The following AVEN variants were observed in gnomAD, a reference collection of about 807,000 sequenced individuals.
AVEN encodes the protein apoptosis and caspase activation inhibitor, also known as cell death regulator Aven.
In AVEN, 41 loss-of-function variants were observed where a neutral mutation model predicts 38.1. The ratio of observed to expected loss-of-function variants is 1.08; its 90% CI spans 0.84 to 1.40. AVEN has a LOEUF of 1.40. Among genes scored for constraint, AVEN ranks in the 40% most tolerant of loss-of-function variants. The pLI, the probability that AVEN is intolerant of heterozygous loss-of-function variation, is 0.00. For synonymous variants in AVEN, 206 were observed against 171.8 expected, an observed-to-expected ratio of 1.20 and a Z score of -1.56; for missense variants, 605 against 438.8, an observed-to-expected ratio of 1.38 and a Z score of -3.38.
At chr15:33,980,913 A>G (rs683470) in intron 2 of AVEN, among the ~76,000 whole-genome samples, 123,224 of 152,128 alleles carry the variant, frequency 0.81, 54,657 homozygotes, top group Non-Finnish European at 0.98. Flanking sequence ...AAATCGTATC[A>G]CTAGAGCCTC....
chr15:33,856,326 T>C (rs142975784), downstream of AVEN: 1 of 152,444 alleles, frequency 6.6e-6, no homozygotes, highest in East Asian at 1.9e-4. Flanking sequence ...CTCCCTTTTG[T>C]GTGGCTCCTT....
intron 2 of AVEN, among the ~76,000 whole-genome samples, chr15:33,878,043 GAATA>G (rs1331072728): frequency 6.6e-6 from 1 of 151,848 alleles, no homozygotes; most frequent in African/African-American, 2.4e-5. Context: ...AATGAATCAG[GAATA>G]AACATTTATT....
intron 5 of AVEN, among the ~76,000 whole-genome samples, chr15:34,047,097 A>T (rs1339843506): frequency 7.1e-6 from 1 of 141,054 alleles, no homozygotes; most frequent in Non-Finnish European, 1.5e-5. Context: ...CTTTTTTTGG[A>T]GACGGAGTCT....
Position 33,931,574 on chromosome 15 carries a change from G to A in AVEN, c.446-55579C>T, listed in dbSNP as rs1478920461. Among the ~76,000 whole-genome samples, 4 of 151,966 alleles carry A rather than the reference G, an allele frequency of 2.6e-5. No homozygotes were observed. The South Asian group carries it at 6.2e-4, about 24-fold the overall frequency. Reference sequence around the variant, plus strand: ...TTTAGTAGAGGCGGGGTTTCACTGTGTTAGCCAGGATGGTCTTGATCTCCT... The same window carrying A: ...TTTAGTAGAGGCGGGGTTTCACTGTATTAGCCAGGATGGTCTTGATCTCCT... On this transcript the variant is annotated intron_variant, in intron 2 of 5. Transcript: ENST00000306730.
At chr15:33,980,155 G>C (rs747749166) in intron 2 of AVEN, among the ~76,000 whole-genome samples, 1 of 152,146 alleles carries the variant, frequency 6.6e-6, no homozygotes, top group African/African-American at 2.4e-5. Flanking sequence ...TAGGTACAAG[G>C]AACCTAAACA....
chr15:33,907,249 C>T (rs912002388), intron 2 of AVEN, among the ~76,000 whole-genome samples: 2 of 152,208 alleles, frequency 1.3e-5, no homozygotes, highest in Middle Eastern at 3.4e-3. Flanking sequence ...TCCTTACAGC[C>T]GAGACCTCAA....
rs534744017 is a variant in AVEN, at chr15:33,880,461, A to G, written c.446-4466T>C. On this transcript the variant is annotated intron_variant, in intron 2 of 5. Transcript: ENST00000306730. The stretch of plus-strand genomic sequence containing the variant: ...AGAGTTCAGGGCCAATGGATGAGGA[A>G]GAGTCTTGGAAAACCAAGGCTTTCA... Among the ~76,000 whole-genome samples the G allele has an allele frequency of 5.3e-5, 8 of 152,328 alleles. No individual in the cohort carries two copies. In the South Asian group the frequency reaches 1.7e-3, roughly 32 times the overall value.
intron 2 of AVEN, among the ~76,000 whole-genome samples, chr15:33,951,887 C>G (rs1894763768): frequency 6.6e-6 from 1 of 152,102 alleles, no homozygotes; most frequent in Admixed American, 6.5e-5. Flanking sequence ...TGAGAAGATG[C>G]TTCTATTTCT....
chr15:33,884,094 C>T (rs1330349647), intron 2 of AVEN, among the ~76,000 whole-genome samples: 1 of 152,136 alleles, frequency 6.6e-6, no homozygotes, highest in Non-Finnish European at 1.5e-5. Flanking sequence ...AGGGATCCTC[C>T]CACCTCAGCC....
At chr15:33,896,460 G>C (rs191301852) in intron 2 of AVEN, among the ~76,000 whole-genome samples, 1 of 152,198 alleles carries the variant, frequency 6.6e-6, no homozygotes, top group Admixed American at 6.5e-5. Context: ...GTTCTTTCTT[G>C]CATTCATGTT....
chr15:34,030,771 C>T (rs995549408), intron 1 of AVEN, among the ~76,000 whole-genome samples: 4 of 152,164 alleles, frequency 2.6e-5, no homozygotes, highest in African/African-American at 7.2e-5. Flanking sequence ...CGTGCACCAC[C>T]GTGCCTGGCT....
intron 2 of AVEN, among the ~76,000 whole-genome samples, chr15:33,912,586 G>A (rs1892956027): frequency 6.6e-6 from 1 of 152,182 alleles, no homozygotes; most frequent in Non-Finnish European, 1.5e-5. Context: ...CCCTCTCAAA[G>A]AGGATACTTC....
At chr15:34,066,229 A>G (rs1900506581) in intron 3 of AVEN, 1 of 152,250 alleles carries the variant, frequency 6.6e-6, no homozygotes, top group South Asian at 2.1e-4. Flanking sequence ...GGCCTCCGTG[A>G]TGCCAACTGG....
At chr15:34,036,909 A>T (rs1378608732) in intron 1 of AVEN, among the ~76,000 whole-genome samples, 2 of 152,156 alleles carry the variant, frequency 1.3e-5, no homozygotes, top group African/African-American at 4.8e-5. Flanking sequence ...CAGGAGTTCG[A>T]GACCAGCCTG....
chr15:33,866,641 T>TC lies in AVEN; in HGVS notation c.1060dup (p.Glu354GlyfsTer46). 1 of 1,614,114 alleles carries TC rather than the reference T, an allele frequency of 6.2e-7. No homozygotes were observed. Among genetic ancestry groups the TC allele is most frequent in the Non-Finnish European group, 8.5e-7 (1 of 1,179,972 alleles). ...GGAAATCATGCTGTCCAACCAGTCT[T>TC]CCAGCTCTTCCTCGGTAACATTTTT... On this transcript the variant is annotated frameshift_variant, in exon 6 of 6. Transcript: ENST00000306730. LOFTEE classifies it high-confidence loss of function.
chr15:33,933,566 G>T (rs1407933741), intron 2 of AVEN, among the ~76,000 whole-genome samples: 4 of 136,100 alleles, frequency 2.9e-5, no homozygotes, highest in African/African-American at 1.1e-4. Flanking sequence ...GAGAGAGAGA[G>T]AGAGAGAGAG....
chr15:33,865,074 G>T (rs3794588), downstream of AVEN: 706 of 1,386,590 alleles, frequency 5.1e-4, 5 homozygotes, highest in East Asian at 0.015. Context: ...AAAACAAACT[G>T]GGTTTTAGCT....
intron 5 of AVEN, among the ~76,000 whole-genome samples, 168 bp downstream of exon 5, chr15:33,867,327 G>C (rs781120619): frequency 2.0e-5 from 3 of 151,544 alleles, no homozygotes; most frequent in Non-Finnish European, 2.9e-5. Flanking sequence ...TTGTCAGAAA[G>C]GTCAGCTCAG....
rs1894292833 is a variant in AVEN at position 33,940,864 on chromosome 15, G to C, written c.445+62168C>G. On this transcript the variant is annotated intron_variant, in intron 2 of 5. Transcript: ENST00000306730. ...CACGATATGAAATTCTTATCGCTTA[G>C]GCTGAATAGGGATTCAACCTCATCT... 2.0e-5 allele frequency among the ~76,000 whole-genome samples: 3 copies of C among 152,126 alleles called. No homozygotes were observed. In the South Asian group the frequency reaches 6.2e-4, roughly 31 times the overall value.
Sources: allele counts gnomAD v4.1 joint callset (sites outside exome capture counted in the v4.1 genomes callset), GRCh38; gene constraint gnomAD v4.1.1; transcripts MANE v1.5; gene names NCBI Gene and HGNC (gene_info 2026-07-23, HGNC 2026-07-21).